The following GSTCD variants were observed in gnomAD, a reference collection of about 807,000 sequenced individuals.
GSTCD encodes glutathione S-transferase C-terminal domain-containing protein.
In GSTCD, 44 loss-of-function variants were observed where a neutral mutation model predicts 68.3. The ratio of observed to expected loss-of-function variants is 0.64; its 90% CI spans 0.51 to 0.83. GSTCD has a LOEUF of 0.83. GSTCD is among the 40% of genes least tolerant of loss of function. The pLI is 0.00. For synonymous variants in GSTCD, 273 were observed against 255.2 expected (o/e 1.07, Z -0.67); for missense variants, 739 against 735.9 (o/e 1.00, Z -0.05).
chr4:105,731,036 G>A (rs1733220403), intron 5 of GSTCD, among the ~76,000 whole-genome samples: 1 of 152,148 alleles, frequency 6.6e-6, no homozygotes, highest in South Asian at 2.1e-4. Flanking sequence ...AGATCAGATG[G>A]TTGTAGATGT....
At chr4:105,777,828 G>C (rs1055815483) in intron 5 of GSTCD, among the ~76,000 whole-genome samples, 2 of 152,150 alleles carry the variant, frequency 1.3e-5, no homozygotes, top group African/African-American at 2.4e-5. Context: ...TGGTTCATTG[G>C]TAAGTTTCCA....
Position 105,775,577 on chromosome 4 carries a change from A to G in GSTCD, c.1240+46078A>G, listed in dbSNP as rs565325135. 1.4e-4 allele frequency among the ~76,000 whole-genome samples: 22 copies of G among 152,070 alleles called. No homozygotes were observed. In the East Asian group the frequency reaches 3.1e-3, roughly 21 times the overall value. On this transcript the variant is annotated intron_variant, in intron 5 of 11. Coordinates refer to ENST00000515279, the MANE Select transcript of GSTCD (RefSeq NM_001370181.1). ...ATGTTGATGCTATTCCTTTCTGTTT[A>G]TCAGTTTTCTTTCTAACACTCAGTC...
chr4:105,810,634 A>G (rs1453138102), intron 5 of GSTCD, among the ~76,000 whole-genome samples: 1 of 152,124 alleles, frequency 6.6e-6, no homozygotes, highest in African/African-American at 2.4e-5. Context: ...TGTTCTCAGG[A>G]TATTTTTAAA....
At position 105,717,690 on chromosome 4, in the gene GSTCD, T is replaced by C. The variant is rs1393682387; in HGVS notation, c.77T>C (p.Ile26Thr). The C allele has an allele frequency of 6.2e-7, 1 of 1,612,754 alleles. No individual in the cohort carries two copies. The highest frequency in any genetic ancestry group is 8.5e-7 in the Non-Finnish European group (1 of 1,179,086). Residue 26 changes from isoleucine (I) to threonine (T), a missense_variant, in exon 2 of 12, where the codon ATC becomes ACC. Physicochemically the swap from Ile to Thr is moderately conservative, Grantham distance 89 (BLOSUM62 -1). Transcript: ENST00000515279. ...LDFSHQTEGC[I>T]FPLHTSVTLF... Reference sequence around the variant, plus strand: ...TTTTCTCACCAAACAGAAGGATGCATCTTTCCTCTTCATACATCTGTAACT... The same window carrying C: ...TTTTCTCACCAAACAGAAGGATGCACCTTTCCTCTTCATACATCTGTAACT...
chr4:105,837,798 T>C, intron 9 of GSTCD, 61 bp from the exon 10 acceptor site: 1 of 725,170 alleles, frequency 1.4e-6, no homozygotes, highest in Non-Finnish European at 2.3e-6. Context: ...TTTAGTTTCT[T>C]CAAGATTATC....
intron 3 of GSTCD, among the ~76,000 whole-genome samples, chr4:105,723,022 T>G (rs1732919717): frequency 6.6e-6 from 1 of 151,944 alleles, no homozygotes; most frequent in South Asian, 2.1e-4. Context: ...AGAGTAAACC[T>G]CCTCAATTTC....
At chr4:105,831,962 A>C (rs1723914549) in intron 8 of GSTCD, among the ~76,000 whole-genome samples, 1 of 152,102 alleles carries the variant, frequency 6.6e-6, no homozygotes, top group Admixed American at 6.6e-5. Flanking sequence ...AATAAAAATA[A>C]ATTTTATTTT....
intron 5 of GSTCD, among the ~76,000 whole-genome samples, chr4:105,756,495 TACACACACACACACACACAC>T (rs3055931): frequency 7.2e-6 from 1 of 139,432 alleles, no homozygotes; most frequent in Non-Finnish European, 1.5e-5. Context: ...CCTATGCACA[TACACACACACACACACACAC>T]ACACACACAC....
At chr4:105,761,166 G>A in intron 5 of GSTCD, 1 of 179,522 alleles carries the variant, frequency 5.6e-6, no homozygotes. Flanking sequence ...ACCATATCTG[G>A]CTAATTTTTG....
At chr4:105,713,102 A>G (rs1403689142) in intron 1 of GSTCD, among the ~76,000 whole-genome samples, 1 of 152,190 alleles carries the variant, frequency 6.6e-6, no homozygotes, top group African/African-American at 2.4e-5. Context: ...TTTATCCCAT[A>G]TTGTAGGATA....
At chr4:105,825,229 A>G (rs1451707815) in intron 7 of GSTCD, among the ~76,000 whole-genome samples, 1 of 152,144 alleles carries the variant, frequency 6.6e-6, no homozygotes, top group East Asian at 1.9e-4. Flanking sequence ...TCCTGGGTTC[A>G]AGGGATTCTC....
intron 5 of GSTCD, among the ~76,000 whole-genome samples, chr4:105,822,670 G>C (rs1281091901): frequency 2.0e-5 from 3 of 152,046 alleles, no homozygotes; most frequent in Admixed American, 2.0e-4. Context: ...TGCTTTAAAA[G>C]ACATATTGTT....
At chr4:105,833,603 G>GT (rs974205206) in intron 8 of GSTCD, among the ~76,000 whole-genome samples, 3 of 152,042 alleles carry the variant, frequency 2.0e-5, no homozygotes, top group East Asian at 1.9e-4. Context: ...GATGTGAGGG[G>GT]TTTTTTTGGT....
In GSTCD at chr4:105,726,762, C is replaced by T. The variant is rs1271336249; in HGVS notation, c.1078C>T (p.Pro360Ser). Residue 360 changes from proline (P) to serine (S), a missense_variant, in exon 4 of 12, where the codon CCA (proline) becomes TCA (serine). Pro to Ser is a moderately conservative substitution (Grantham distance 74, BLOSUM62 -1). Coordinates refer to ENST00000515279, the MANE Select transcript of GSTCD (RefSeq NM_001370181.1). ...ACAGCATCCAAACTTATGTGAAGTC[C>T]CAGGTGTAGAAGAGCAAAGCGATCC... Reference protein sequence around the residue: ...TEQHPNLCEVPGVEEQSDPLF... With the variant: ...TEQHPNLCEVSGVEEQSDPLF... 6.2e-7 allele frequency: 1 copy of T among 1,613,752 alleles called. No individual in the cohort carries two copies. The highest frequency in any genetic ancestry group is 1.3e-5 in the African/African-American group (1 of 74,996).
rs566554144 is a variant in GSTCD at position 105,733,371 on chromosome 4, C to T, written c.1240+3872C>T. On this transcript the variant is annotated intron_variant, in intron 5 of 11. Transcript: ENST00000515279. ...GACTTGCTTTATGAATCTGGGTGTT[C>T]CTGTATTGGGTGCATATATATTTAG... 2.6e-5 allele frequency among the ~76,000 whole-genome samples: 4 copies of T among 152,188 alleles called. No individual in the cohort carries two copies. The South Asian group carries it at 6.2e-4, about 24-fold the overall frequency.
chr4:105,711,474 G>C (rs1207562412), intron 1 of GSTCD, among the ~76,000 whole-genome samples: 1 of 152,176 alleles, frequency 6.6e-6, no homozygotes, highest in Admixed American at 6.5e-5. Flanking sequence ...ATGGAAAGAA[G>C]CTTGAAAATA....
intron 5 of GSTCD, among the ~76,000 whole-genome samples, chr4:105,784,652 T>A (rs139530336): frequency 9.2e-5 from 14 of 152,382 alleles, no homozygotes; most frequent in Non-Finnish European, 1.6e-4. Context: ...TAATTTATTC[T>A]ACATTCATTA....
At position 105,828,613 on chromosome 4, in the gene GSTCD, A is replaced by G. The variant is rs537879049; in HGVS notation, c.1530+2813A>G. 1.1e-4 allele frequency among the ~76,000 whole-genome samples: 16 copies of G among 152,312 alleles called. No individual in the cohort carries two copies. In the South Asian group the frequency reaches 3.3e-3, roughly 32 times the overall value. ...AACATTCTGTAACTTGAATCACAAT[A>G]TGAAGTGTGAAGGTGAAAAGCAGAT... On this transcript the variant is annotated intron_variant, in intron 8 of 11. Coordinates refer to ENST00000515279, the MANE Select transcript of GSTCD (RefSeq NM_001370181.1).
In GSTCD at chr4:105,841,205, T is replaced by A. The variant is rs182400200; in HGVS notation, c.1696-860T>A. On this transcript the variant is annotated intron_variant, in intron 10 of 11. Transcript: ENST00000515279. ...CCAGCATGGTGGCGTGCGCCTGTAGTGCCAGCTACTCAGGAGGCTAGGGCA... is the reference window on the plus strand; with the variant it reads ...CCAGCATGGTGGCGTGCGCCTGTAGAGCCAGCTACTCAGGAGGCTAGGGCA... Among the ~76,000 whole-genome samples, 845 of 151,724 alleles carry A rather than the reference T, an allele frequency of 5.6e-3. 11 individuals carry two copies. Among genetic ancestry groups the A allele is most frequent in the African/African-American group, 0.02 (811 of 41,344 alleles).
Sources: allele counts gnomAD v4.1 joint callset (sites outside exome capture counted in the v4.1 genomes callset), GRCh38; gene constraint gnomAD v4.1.1; transcripts MANE v1.5; gene names NCBI Gene and HGNC (gene_info 2026-07-23, HGNC 2026-07-21).